NCAM2: variants seen among roughly 807,000 people sequenced by gnomAD.
NCAM2 encodes neural cell adhesion molecule 2.
In NCAM2, 30 loss-of-function variants were observed where a neutral mutation model predicts 98.1. The ratio of observed to expected loss-of-function variants is 0.31; its 90% CI spans 0.23 to 0.41. The LOEUF (loss-of-function observed/expected upper bound fraction) is 0.41. Ranked by LOEUF, NCAM2 falls within the 10% of genes least tolerant of loss-of-function variation. NCAM2 has a pLI of 1.00. For synonymous variants in NCAM2, 368 were observed against 342.4 expected (o/e 1.07, Z -0.83); for missense variants, 867 against 1,005.8 (o/e 0.86, Z 1.87).
rs1990135110 is a variant in NCAM2 at position 21,539,258 on chromosome 21, T to C, written c.*1301T>C. 6.6e-6 allele frequency: 1 copy of C among 152,196 alleles called. No individual in the cohort carries two copies. The highest frequency in any genetic ancestry group is 1.5e-5 in the Non-Finnish European group (1 of 68,024). 9.4% of individuals were successfully genotyped at this position (152,196 alleles called of 1,614,324 possible). A position where few individuals can be genotyped will look rare whatever the true frequency, so the allele number is the denominator to read the frequency against. ...ATAGAGTGACACATGATTTAACTTA[T>C]ATGTAAGGTTTAAAAAAGTATTTAT... On this transcript the variant is annotated 3_prime_UTR_variant, in exon 18 of 18. Coordinates refer to ENST00000400546, the MANE Select transcript of NCAM2 (RefSeq NM_004540.5).
intron 1 of NCAM2, among the ~76,000 whole-genome samples, chr21:21,211,588 C>T (rs2069661437): frequency 6.6e-6 from 1 of 152,078 alleles, no homozygotes; most frequent in Admixed American, 6.6e-5. Flanking sequence ...GGAATACATG[C>T]TGCAGGAAAA....
chr21:21,430,426 G>GAA (rs2077309471), intron 11 of NCAM2, among the ~76,000 whole-genome samples: 1 of 103,828 alleles, frequency 9.6e-6, no homozygotes, highest in African/African-American at 3.3e-5. Flanking sequence ...ACACTGCTAT[G>GAA]AAGAAATATC....
chr21:21,052,320 C>A (rs575874637), intron 1 of NCAM2, among the ~76,000 whole-genome samples: 1 of 151,984 alleles, frequency 6.6e-6, no homozygotes, highest in Non-Finnish European at 1.5e-5. Context: ...CCCGCCACCA[C>A]GCCTGGCTAA....
chr21:21,464,263 C>A (rs569146761), intron 12 of NCAM2, among the ~76,000 whole-genome samples: 1 of 151,848 alleles, frequency 6.6e-6, no homozygotes, highest in East Asian at 1.9e-4. Flanking sequence ...TATAAAAGGG[C>A]GTTTATTCTT....
At chr21:21,233,445 T>C (rs1270156994) in intron 1 of NCAM2, among the ~76,000 whole-genome samples, 1 of 151,692 alleles carries the variant, frequency 6.6e-6, no homozygotes, top group South Asian at 2.1e-4. Flanking sequence ...CTTAACTCCT[T>C]AGAAGCAATA....
chr21:21,161,489 C>G (rs2067781787), intron 1 of NCAM2, among the ~76,000 whole-genome samples: 1 of 151,698 alleles, frequency 6.6e-6, no homozygotes, highest in African/African-American at 2.4e-5. Flanking sequence ...TGATAGCCCA[C>G]TGAAGCTGGA....
Position 21,469,129 on chromosome 21 carries a change from T to C in NCAM2, c.1896+346T>C, listed in dbSNP as rs192393333. Among the ~76,000 whole-genome samples, 486 of 152,094 alleles carry C rather than the reference T, an allele frequency of 3.2e-3. 4 individuals are homozygous for C. The highest frequency in any genetic ancestry group is 7.7e-3 in the South Asian group (37 of 4,832). Reference sequence around the variant, plus strand: ...CTTCAGGCTAAGTCCCTGGCAATCATATGTTAGGTAATATTATTAGAAAAA... The same window carrying C: ...CTTCAGGCTAAGTCCCTGGCAATCACATGTTAGGTAATATTATTAGAAAAA... On this transcript the variant is annotated intron_variant, in intron 14 of 17. Coordinates refer to ENST00000400546, the MANE Select transcript of NCAM2 (RefSeq NM_004540.5).
At chr21:21,044,497 A>C (rs2064969616) in intron 1 of NCAM2, among the ~76,000 whole-genome samples, 1 of 152,218 alleles carries the variant, frequency 6.6e-6, no homozygotes, top group Admixed American at 6.6e-5. Context: ...AATGCTAATT[A>C]AATCTTTATA....
intron 16 of NCAM2, among the ~76,000 whole-genome samples, chr21:21,533,088 G>T (rs1385493992): frequency 1.4e-5 from 2 of 147,914 alleles, no homozygotes; most frequent in Admixed American, 1.4e-4. Context: ...TATATCCTTA[G>T]TGTTTTTTTC....
chr21:21,359,138 T>C (rs781731481), intron 8 of NCAM2, among the ~76,000 whole-genome samples: 4 of 151,954 alleles, frequency 2.6e-5, no homozygotes, highest in African/African-American at 4.8e-5. Context: ...ACAGAGATAA[T>C]GGACTTTTCT....
intron 1 of NCAM2, among the ~76,000 whole-genome samples, chr21:21,026,278 T>G (rs1271074561): frequency 6.6e-6 from 1 of 152,204 alleles, no homozygotes; most frequent in Non-Finnish European, 1.5e-5. Flanking sequence ...GGTCTAAGTG[T>G]TTTAAAGTTT....
chr21:21,499,050 C>T (rs1208473186), intron 15 of NCAM2, among the ~76,000 whole-genome samples: 1 of 151,844 alleles, frequency 6.6e-6, no homozygotes, highest in Non-Finnish European at 1.5e-5. Context: ...TTTATAGTGT[C>T]AATTAGGAAT....
chr21:21,265,401 T>A lies in NCAM2; in HGVS notation c.56-15177T>A, dbSNP rs1227171146. Among the ~76,000 whole-genome samples, 80 of 122,486 alleles carry A rather than the reference T, an allele frequency of 6.5e-4. 2 individuals are homozygous for A. The highest frequency in any genetic ancestry group is 2.0e-3 in the African/African-American group (65 of 31,970). The allele number at this position is 122,486 out of a possible 152,430, so 80.4% of individuals were successfully genotyped here. A position where few individuals can be genotyped will look rare whatever the true frequency, so the allele number is the denominator to read the frequency against. ...ACACATATATGTACACACCATATAT[T>A]ATATATGTGTATATATAATATATGT... On this transcript the variant is annotated intron_variant, in intron 1 of 17. Coordinates refer to ENST00000400546, the MANE Select transcript of NCAM2 (RefSeq NM_004540.5).
chr21:21,354,177 G>T (rs2075411835), intron 8 of NCAM2, among the ~76,000 whole-genome samples: 1 of 152,072 alleles, frequency 6.6e-6, no homozygotes, highest in African/African-American at 2.4e-5. Context: ...TTAAGAAACA[G>T]AATCTATAAT....
intron 15 of NCAM2, among the ~76,000 whole-genome samples, chr21:21,507,523 G>A (rs1988056508): frequency 6.6e-6 from 1 of 152,094 alleles, no homozygotes; most frequent in South Asian, 2.1e-4. Context: ...GCTAGGCACG[G>A]TGGCTCATGC....
At position 21,410,256 on chromosome 21, in the gene NCAM2, T is replaced by G; in HGVS notation, c.1196-18T>G. The G allele has an allele frequency of 7.7e-7, 1 of 1,303,530 alleles. No homozygotes were observed. The highest frequency in any genetic ancestry group is 1.0e-6 in the Non-Finnish European group (1 of 979,246). The allele number at this position is 1,303,530 out of a possible 1,614,324, so 80.7% of individuals were successfully genotyped here. A position where few individuals can be genotyped will look rare whatever the true frequency, so the allele number is the denominator to read the frequency against. ...TTAAAGAAAATGCCTATAATTATTTTATTATATTGTATTACAGATGCCCCC... is the reference window on the plus strand; with the variant it reads ...TTAAAGAAAATGCCTATAATTATTTGATTATATTGTATTACAGATGCCCCC... On this transcript the variant is annotated intron_variant, in intron 9 of 17. Coordinates refer to ENST00000400546, the MANE Select transcript of NCAM2 (RefSeq NM_004540.5).
intron 1 of NCAM2, among the ~76,000 whole-genome samples, chr21:21,065,733 G>A (rs1225099416): frequency 6.6e-6 from 1 of 152,114 alleles, no homozygotes; most frequent in Non-Finnish European, 1.5e-5. Flanking sequence ...GGTCATAGAA[G>A]TGCTTCGTTA....
intron 12 of NCAM2, among the ~76,000 whole-genome samples, chr21:21,454,864 T>A (rs1981890117): frequency 6.6e-6 from 1 of 151,870 alleles, no homozygotes; most frequent in South Asian, 2.1e-4. Flanking sequence ...TCTTAATAAA[T>A]AGAAAAAGAA....
At chr21:21,281,833 A>T (rs2072939808) in intron 2 of NCAM2, among the ~76,000 whole-genome samples, 1 of 151,812 alleles carries the variant, frequency 6.6e-6, no homozygotes, top group South Asian at 2.1e-4. Context: ...GAATGACATG[A>T]TTTATTTAAA....
Sources: gnomAD v4.1 joint callset for allele counts (sites outside exome capture counted in the v4.1 genomes callset) on GRCh38, gnomAD v4.1.1 for gene constraint, MANE v1.5 for transcripts, NCBI Gene and HGNC (gene_info 2026-07-23, HGNC 2026-07-21) for gene names.